Variants in TC2N observed in about 807,000 individuals in gnomAD.
TC2N encodes tandem C2 domains, nuclear, also known as tandem C2 domains nuclear protein.
TC2N carries 51 observed loss-of-function variants against 61.9 expected under a neutral mutation model. That is an observed-to-expected ratio of 0.82 (90% CI 0.66 to 1.04). The LOEUF (loss-of-function observed/expected upper bound fraction) is 1.04, where lower values mean the gene tolerates loss of function less well. TC2N is among the 50% of genes least tolerant of loss of function. The pLI, the probability that TC2N is intolerant of heterozygous loss-of-function variation, is 0.00. For missense variants in TC2N, 556 were observed against 566.7 expected (o/e 0.98, Z 0.19); for synonymous variants, 204 against 192.6 (o/e 1.06, Z -0.49).
intron 4 of TC2N, 152 bp downstream of exon 4, chr14:91,802,102 G>C: frequency 1.7e-6 from 1 of 573,270 alleles, no homozygotes; most frequent in Non-Finnish European, 2.8e-6. Flanking sequence ...ATACTACAGA[G>C]ATGTCATAAC....
intron 3 of TC2N, among the ~76,000 whole-genome samples, chr14:91,804,298 G>A (rs570573216): frequency 3.1e-4 from 47 of 152,126 alleles, no homozygotes; most frequent in Non-Finnish European, 5.6e-4. Context: ...TACTAAAGCC[G>A]AAGATATTTA....
chr14:91,847,549 G>A lies in TC2N; in HGVS notation c.-57+19713C>T, dbSNP rs575085128. ...CACAGTTTGTGGAGACCCAAATGAA[G>A]AGGGCCACGTAGAAAAGAATAAGGC... On this transcript the variant is annotated intron_variant, in intron 1 of 11. Transcript: ENST00000435962. 5.3e-5 allele frequency among the ~76,000 whole-genome samples: 8 copies of A among 152,330 alleles called. No homozygotes were observed. The East Asian group carries it at 1.5e-3, about 29-fold the overall frequency.
At chr14:91,822,320 A>G (rs911818474) in intron 1 of TC2N, among the ~76,000 whole-genome samples, 143 of 152,212 alleles carry the variant, frequency 9.4e-4, no homozygotes, top group African/African-American at 3.3e-3. Context: ...GAAATAAAGA[A>G]GTAAGCTGGT....
Position 91,787,497 on chromosome 14 carries a change from C to T in TC2N, c.1162+16G>A, listed in dbSNP as rs1566759741. On this transcript the variant is annotated intron_variant, in intron 10 of 11. Transcript: ENST00000435962. ...TACTTTCTGAAGATTCTACTTTGAA[C>T]CACTGATATACTTACTCAAAGTCAG... 6.8e-7 allele frequency: 1 copy of T among 1,474,292 alleles called. No homozygotes were observed. Among genetic ancestry groups the T allele is most frequent in the African/African-American group, 1.4e-5 (1 of 71,368 alleles). The allele number at this position is 1,474,292 out of a possible 1,614,324, so 91.3% of individuals were successfully genotyped here.
intron 1 of TC2N, among the ~76,000 whole-genome samples, chr14:91,834,946 A>G (rs2139901112): frequency 6.6e-6 from 1 of 152,320 alleles, no homozygotes; most frequent in African/African-American, 2.4e-5. Context: ...CAACATTTGT[A>G]AGTCTGATCT....
chr14:91,845,232 A>AAAAT (rs3030732), intron 1 of TC2N, among the ~76,000 whole-genome samples: 41,522 of 146,858 alleles, frequency 0.28, 6,367 homozygotes, highest in Admixed American at 0.4. Context: ...ACTCCATCTC[A>AAAAT]AAATAAATAA....
At chr14:91,846,725 A>G (rs1888277458) in intron 1 of TC2N, among the ~76,000 whole-genome samples, 1 of 152,242 alleles carries the variant, frequency 6.6e-6, no homozygotes, top group Admixed American at 6.5e-5. Context: ...TTTGAAAAGA[A>G]CAAAAAATAA....
chr14:91,797,038 A>G (rs1566764563), intron 8 of TC2N, among the ~76,000 whole-genome samples: 1 of 152,128 alleles, frequency 6.6e-6, no homozygotes, highest in Non-Finnish European at 1.5e-5. Flanking sequence ...GTTTAAAAGT[A>G]TAAATATTTT....
chr14:91,832,787 ATTAAAT>A (rs1269431578), intron 1 of TC2N, among the ~76,000 whole-genome samples: 8 of 152,322 alleles, frequency 5.3e-5, no homozygotes. Flanking sequence ...AAAAGTAAAA[ATTAAAT>A]TTAAAAGCAA....
intron 1 of TC2N, among the ~76,000 whole-genome samples, chr14:91,845,101 A>G (rs995071482): frequency 2.7e-5 from 4 of 150,668 alleles, no homozygotes; most frequent in African/African-American, 9.8e-5. Flanking sequence ...CGTGGCGCAC[A>G]CCTGTAATCC....
chr14:91,851,774 A>G (rs935677526), intron 1 of TC2N, among the ~76,000 whole-genome samples: 1 of 152,202 alleles, frequency 6.6e-6, no homozygotes, highest in African/African-American at 2.4e-5. Context: ...AGACCTCCAC[A>G]CTGTATTATG....
intron 1 of TC2N, among the ~76,000 whole-genome samples, chr14:91,861,692 G>A (rs1416499351): frequency 6.6e-6 from 1 of 152,242 alleles, no homozygotes; most frequent in Non-Finnish European, 1.5e-5. Flanking sequence ...GGAGGCCAAG[G>A]TGTGTGGATC....
intron 3 of TC2N, among the ~76,000 whole-genome samples, chr14:91,804,707 AATTAAACTACAAT>A (rs1886426632): frequency 6.6e-6 from 1 of 152,166 alleles, no homozygotes; most frequent in Admixed American, 6.5e-5. Flanking sequence ...AAACAGAAAA[AATTAAACTACAAT>A]ATTCAGGGAT....
intron 9 of TC2N, among the ~76,000 whole-genome samples, chr14:91,791,139 A>AG (rs1223787852): frequency 7.8e-6 from 1 of 129,020 alleles, no homozygotes; most frequent in African/African-American, 2.9e-5. Flanking sequence ...CTCAAAAAAA[A>AG]GGGGAAGGGA....
chr14:91,809,600 A>T (rs1263134881), intron 3 of TC2N, among the ~76,000 whole-genome samples: 2 of 152,156 alleles, frequency 1.3e-5, no homozygotes, highest in African/African-American at 4.8e-5. Context: ...AATGGCACAA[A>T]GTGAGTTATC....
At chr14:91,808,703 T>C (rs941098802) in intron 3 of TC2N, among the ~76,000 whole-genome samples, 2 of 152,172 alleles carry the variant, frequency 1.3e-5, no homozygotes. Context: ...CAAAAAGCAA[T>C]GTTTTCTAGT....
Position 91,783,159 on chromosome 14 carries a change from C to G in TC2N, c.1414G>C (p.Glu472Gln), listed in dbSNP as rs775189452. Reference sequence around the variant, plus strand: ...ACCTTTTCTGGATTTATTACTGTCTCTTTCCACTGGTTCACTGCTTCAATG... The same window carrying G: ...ACCTTTTCTGGATTTATTACTGTCTGTTTCCACTGGTTCACTGCTTCAATG... ...NNIEAVNQWK[E>Q]TVINPEKVVI... Residue 472 changes from glutamate (E) to glutamine (Q), a missense_variant, in exon 12 of 12, where the codon GAG becomes CAG. By Grantham distance (29) the Glu-to-Gln change is conservative. Coordinates refer to ENST00000435962, the MANE Select transcript of TC2N (RefSeq NM_001128596.3). 4 of 1,612,178 alleles carry G rather than the reference C, an allele frequency of 2.5e-6. No homozygotes were observed. The highest frequency in any genetic ancestry group is 3.4e-6 in the Non-Finnish European group (4 of 1,178,770).
intron 4 of TC2N, among the ~76,000 whole-genome samples, chr14:91,800,793 T>C (rs1886192985): frequency 6.6e-6 from 1 of 152,034 alleles, no homozygotes; most frequent in Non-Finnish European, 1.5e-5. Context: ...GTATTTTTAG[T>C]TTCCCTCCTA....
At chr14:91,803,602 G>A (rs769910239) in intron 3 of TC2N, among the ~76,000 whole-genome samples, 7 of 151,440 alleles carry the variant, frequency 4.6e-5, no homozygotes, top group South Asian at 2.1e-4. Context: ...ACAGGCACAC[G>A]CCACCACGCC....
Sources: allele counts gnomAD v4.1 joint callset (sites outside exome capture counted in the v4.1 genomes callset), GRCh38; gene constraint gnomAD v4.1.1; transcripts MANE v1.5; gene names NCBI Gene and HGNC (gene_info 2026-07-23, HGNC 2026-07-21).